Variants in LY9 observed in about 807,000 individuals in gnomAD.
LY9 encodes T-lymphocyte surface antigen Ly-9.
In LY9, 59 loss-of-function variants were observed where a neutral mutation model predicts 64.6. The observed-to-expected ratio is 0.91, with a 90% CI of 0.74 to 1.13. LY9 has a LOEUF of 1.13. LY9 is among the 50% of genes most tolerant of loss of function. The probability of loss-of-function intolerance (pLI) is 0.00; values close to 1 mark genes in which losing one functional copy is unlikely to be tolerated. For synonymous variants in LY9, 281 were observed against 308.5 expected (o/e 0.91, Z 0.93); for missense variants, 789 against 797.2 (o/e 0.99, Z 0.12).
chr1:160,809,191 TC>T (rs66500207), intron 2 of LY9, among the ~76,000 whole-genome samples: 38,103 of 149,090 alleles, frequency 0.26, 5,073 homozygotes, highest in Admixed American at 0.35. Flanking sequence ...GTATATGCAT[TC>T]TTTTTTTTTT....
At chr1:160,819,501 A>G in intron 7 of LY9, 127 bp downstream of exon 7, 1 of 801,794 alleles carries the variant, frequency 1.2e-6, no homozygotes, top group South Asian at 1.4e-5. Context: ...TTAGAAATGC[A>G]AAATCTGACC....
Position 160,813,879 on chromosome 1 carries a change from C to A in LY9, c.698C>A (p.Ser233Tyr), listed in dbSNP as rs752671592. ...TAQNPVSQRS[S>Y]LPVHVGQFCT... ...CAGAACCCCGTCAGCCAGAGAAGCTCCCTCCCTGTCCATGTTGGGCAGTTC... is the reference window on the plus strand; with the variant it reads ...CAGAACCCCGTCAGCCAGAGAAGCTACCTCCCTGTCCATGTTGGGCAGTTC... Residue 233 changes from serine (S) to tyrosine (Y), a missense_variant, in exon 3 of 10, where the codon TCC becomes TAC. Transcript: ENST00000263285. 3.1e-6 allele frequency: 5 copies of A among 1,614,158 alleles called. No homozygotes were observed. Among genetic ancestry groups the A allele is most frequent in the Non-Finnish European group, 4.2e-6 (5 of 1,180,016 alleles).
rs986587699 is a variant in LY9 at position 160,799,943 on chromosome 1, C to T, written c.315C>T (p.Gly105=). 5.0e-6 allele frequency: 8 copies of T among 1,613,518 alleles called. No homozygotes were observed. The Admixed American group carries it at 1.0e-4, about 20-fold the overall frequency. Residue 105 remains glycine, a synonymous_variant, in exon 2 of 10, where the codon GGC becomes GGT. Transcript: ENST00000263285. ...NVTIMVKSYL[G]RLDITKWSYS... ...CCATTATGGTCAAAAGCTACCTGGG[C>T]CGACTAGACATCACCAAGTGGAGTT... is the stretch of plus-strand genomic sequence containing the variant.
In LY9 at chr1:160,819,519, G is replaced by C. The variant is rs371607518; in HGVS notation, c.1498+145G>C. 6.0e-6 allele frequency: 4 copies of C among 664,826 alleles called. No homozygotes were observed. In the East Asian group the frequency reaches 1.2e-4, roughly 20 times the overall value. 41.2% of individuals were successfully genotyped at this position (664,826 alleles called of 1,614,324 possible). Reference sequence around the variant, plus strand: ...GAAATGCAAAATCTGACCAGGTGCCGTGGCTCACACCTGTAATCCCAGCAC... The same window carrying C: ...GAAATGCAAAATCTGACCAGGTGCCCTGGCTCACACCTGTAATCCCAGCAC... On this transcript the variant is annotated intron_variant, in intron 7 of 9. Coordinates refer to ENST00000263285, the MANE Select transcript of LY9 (RefSeq NM_002348.4).
In LY9 at chr1:160,814,461, G is replaced by T. The variant is rs769390084; in HGVS notation, c.772G>T (p.Val258Leu). 3.7e-6 allele frequency: 6 copies of T among 1,613,838 alleles called. No homozygotes were observed. The South Asian group carries it at 4.4e-5, about 12-fold the overall frequency. Reference sequence around the variant, plus strand: ...AGGAGGAACAACGGGGGAGACTGTGGTAGGGGTCCTGGGAGAGCCAGTCAC... The same window carrying T: ...AGGAGGAACAACGGGGGAGACTGTGTTAGGGGTCCTGGGAGAGCCAGTCAC... ...SRGGTTGETV[V>L]GVLGEPVTLP... Residue 258 changes from valine to leucine, a missense_variant, in exon 4 of 10, where the codon GTA becomes TTA. Transcript: ENST00000263285.
chr1:160,827,739 G>T lies in LY9; in HGVS notation c.1900-9G>T, dbSNP rs1668935033. ...TAACCATATTCTTTTGTGGATTTTT[G>T]GCTCACAGGTGGTGCCACCACCACA... On this transcript the variant is annotated splice_polypyrimidine_tract_variant and intron_variant, in intron 9 of 9. Coordinates refer to ENST00000263285, the MANE Select transcript of LY9 (RefSeq NM_002348.4). The T allele has an allele frequency of 1.3e-6, 2 of 1,597,962 alleles. No individual in the cohort carries two copies. The highest frequency in any genetic ancestry group is 2.3e-5 in the East Asian group (1 of 44,100).
intron 5 of LY9, among the ~76,000 whole-genome samples, chr1:160,817,540 G>A (rs1410703345): frequency 6.6e-6 from 1 of 152,222 alleles, no homozygotes; most frequent in Non-Finnish European, 1.5e-5. Context: ...AGGAACAAAG[G>A]CTGCGTGAGT....
intron 3 of LY9, 105 bp from the exon 4 acceptor site, chr1:160,814,315 G>A: frequency 3.6e-6 from 3 of 832,764 alleles, no homozygotes; most frequent in Non-Finnish European, 5.8e-6. Flanking sequence ...GGAGAAAGAG[G>A]AAGAGGAGGA....
At position 160,818,157 on chromosome 1, in the gene LY9, T is replaced by C; in HGVS notation, c.1343-61T>C. On this transcript the variant is annotated intron_variant, in intron 5 of 9. Transcript: ENST00000263285. ...TAGGATGGCCATCATGTTCTGTGCATTGTTTGCTCCAGTGTGTCTTGTCAT... is the reference window on the plus strand; with the variant it reads ...TAGGATGGCCATCATGTTCTGTGCACTGTTTGCTCCAGTGTGTCTTGTCAT... The C allele has an allele frequency of 5.5e-6, 6 of 1,082,162 alleles. No individual in the cohort carries two copies. The South Asian group carries it at 7.8e-5, about 14-fold the overall frequency. The allele number at this position is 1,082,162 out of a possible 1,614,324, so 67.0% of individuals were successfully genotyped here. A position where few individuals can be genotyped will look rare whatever the true frequency, so the allele number is the denominator to read the frequency against.
chr1:160,826,451 G>A (rs1026222574), intron 9 of LY9, among the ~76,000 whole-genome samples: 15 of 152,222 alleles, frequency 9.9e-5, no homozygotes, highest in African/African-American at 3.6e-4. Flanking sequence ...GGAACACTAA[G>A]CGTGTAGGAG....
intron 2 of LY9, chr1:160,810,902 G>C (rs1388355152): frequency 6.6e-6 from 1 of 152,218 alleles, no homozygotes; most frequent in Non-Finnish European, 1.5e-5. Context: ...AATAGACATT[G>C]CCATTCCAAA....
At chr1:160,816,524 A>G (rs2101808221) in intron 4 of LY9, 70 bp from the exon 5 acceptor site, 3 of 1,473,392 alleles carry the variant, frequency 2.0e-6, no homozygotes, top group South Asian at 1.3e-5. Context: ...TATATTTTCA[A>G]TGAATGAAGA....
At chr1:160,815,408 A>G (rs1195558656) in intron 4 of LY9, 2 of 152,366 alleles carry the variant, frequency 1.3e-5, no homozygotes, top group Admixed American at 6.5e-5. Context: ...AATTTTTGAG[A>G]TGGAGTCATG....
intron 3 of LY9, 60 bp from the exon 4 acceptor site, chr1:160,814,360 C>T: frequency 7.4e-7 from 1 of 1,343,292 alleles, no homozygotes; most frequent in Non-Finnish European, 1.0e-6. Flanking sequence ...TTTAGGATGC[C>T]TGGGGGCCAA....
At chr1:160,812,261 A>G (rs1460440573) in intron 2 of LY9, 2 of 152,170 alleles carry the variant, frequency 1.3e-5, no homozygotes, top group Admixed American at 6.5e-5. Context: ...GATACCACTC[A>G]TATCAGACTA....
At chr1:160,797,409 T>A (rs928266964) in intron 1 of LY9, 6 of 402,416 alleles carry the variant, frequency 1.5e-5, no homozygotes. Flanking sequence ...TGACCTCTTT[T>A]CACTTTCAAT....
chr1:160,828,018 G>T lies in LY9; in HGVS notation c.*202G>T. ...ATAGTTCAGACACAGGCTCCTTCTT[G>T]GAGCCTATGGGCTTCAGATGTCTTT... On this transcript the variant is annotated 3_prime_UTR_variant, in exon 10 of 10. Transcript: ENST00000263285. 2.5e-6 allele frequency: 1 copy of T among 407,768 alleles called. No individual in the cohort carries two copies. The highest frequency in any genetic ancestry group is 4.4e-6 in the Non-Finnish European group (1 of 226,318). 25.3% of individuals were successfully genotyped at this position (407,768 alleles called of 1,614,324 possible). A position where few individuals can be genotyped will look rare whatever the true frequency, so the allele number is the denominator to read the frequency against.
chr1:160,806,297 C>T (rs1666985852), intron 2 of LY9, among the ~76,000 whole-genome samples: 1 of 152,142 alleles, frequency 6.6e-6, no homozygotes, highest in Non-Finnish European at 1.5e-5. Context: ...TCTGTAGTGA[C>T]ATCATTCAAG....
chr1:160,818,440 C>A, intron 6 of LY9, 121 bp downstream of exon 6: 2 of 678,412 alleles, frequency 2.9e-6, no homozygotes, highest in East Asian at 2.7e-5. Flanking sequence ...TATTTCTTCT[C>A]AGAGCAATGG....
Sources: allele counts gnomAD v4.1 joint callset (sites outside exome capture counted in the v4.1 genomes callset), GRCh38; gene constraint gnomAD v4.1.1; transcripts MANE v1.5; gene names NCBI Gene and HGNC (gene_info 2026-07-23, HGNC 2026-07-21).